The following NKAIN3 variants were observed in gnomAD, a reference collection of about 807,000 sequenced individuals.
The protein encoded by NKAIN3 is sodium/potassium transporting ATPase interacting 3, also known as sodium/potassium-transporting ATPase subunit beta-1-interacting protein 3.
In NKAIN3, 25 loss-of-function variants were observed where a neutral mutation model predicts 30.2. The ratio of observed to expected loss-of-function variants is 0.83; its 90% CI spans 0.60 to 1.16. NKAIN3 has a LOEUF of 1.16. NKAIN3 is among the 50% of genes most tolerant of loss of function. The pLI is 0.00. For synonymous variants in NKAIN3, 91 were observed against 89.6 expected, an observed-to-expected ratio of 1.02 and a Z score of -0.09; for missense variants, 225 against 254.1, an observed-to-expected ratio of 0.89 and a Z score of 0.78.
rs191054327 is a variant in NKAIN3, at chr8:62,361,079, G to A, written c.54+111952G>A. Among the ~76,000 whole-genome samples, 11 of 150,980 alleles carry A rather than the reference G, an allele frequency of 7.3e-5. No individual in the cohort carries two copies. In the South Asian group the frequency reaches 1.0e-3, roughly 14 times the overall value. ...TCTACAGCTGGAGCACCAAACCCCC[G>A]CATCACACTGCTTATCACCAACGCA... is the stretch of plus-strand genomic sequence containing the variant. On this transcript the variant is annotated intron_variant, in intron 1 of 6. Coordinates refer to ENST00000623646, the MANE Select transcript of NKAIN3 (RefSeq NM_001304533.3).
intron 4 of NKAIN3, among the ~76,000 whole-genome samples, chr8:62,908,810 G>A (rs1821854239): frequency 6.6e-6 from 1 of 152,126 alleles, no homozygotes; most frequent in Non-Finnish European, 1.5e-5. Flanking sequence ...CATGAGAACA[G>A]ACTAATATAC....
intron 3 of NKAIN3, among the ~76,000 whole-genome samples, chr8:62,653,927 G>A (rs769642982): frequency 6.6e-6 from 1 of 152,086 alleles, no homozygotes; most frequent in African/African-American, 2.4e-5. Flanking sequence ...GGACTCAAGG[G>A]TTCTAACCAT....
At chr8:62,435,739 T>A (rs984942885) in intron 1 of NKAIN3, among the ~76,000 whole-genome samples, 1 of 152,168 alleles carries the variant, frequency 6.6e-6, no homozygotes. Context: ...AATTAAGATA[T>A]AAAATACAAA....
intron 3 of NKAIN3, among the ~76,000 whole-genome samples, chr8:62,715,493 C>G (rs146195115): frequency 1.2e-3 from 188 of 152,210 alleles, no homozygotes; most frequent in African/African-American, 4.4e-3. Flanking sequence ...AGACTGGAAA[C>G]AGGAAGACTG....
At chr8:62,763,443 G>A (rs1027909108) in intron 4 of NKAIN3, among the ~76,000 whole-genome samples, 3 of 151,998 alleles carry the variant, frequency 2.0e-5, no homozygotes, top group African/African-American at 7.2e-5. Flanking sequence ...GAAAGCTACA[G>A]GGAAGTGGTA....
intron 3 of NKAIN3, among the ~76,000 whole-genome samples, chr8:62,644,413 T>C (rs1405341217): frequency 7.0e-6 from 1 of 143,716 alleles, no homozygotes; most frequent in African/African-American, 2.8e-5. Flanking sequence ...GTTAGATCTT[T>C]TTTTGAAGAA....
chr8:62,802,019 G>C (rs1446405393), intron 4 of NKAIN3, among the ~76,000 whole-genome samples: 1 of 152,158 alleles, frequency 6.6e-6, no homozygotes, highest in Non-Finnish European at 1.5e-5. Flanking sequence ...AAGGGTATCA[G>C]TGATGGAAGA....
At position 62,716,446 on chromosome 8, in the gene NKAIN3, A is replaced by T. The variant is rs142421741; in HGVS notation, c.274-30486A>T. 5.6e-3 allele frequency among the ~76,000 whole-genome samples: 856 copies of T among 152,282 alleles called. 3 individuals carry two copies. Among genetic ancestry groups the T allele is most frequent in the Non-Finnish European group, 6.7e-3 (456 of 68,020 alleles). On this transcript the variant is annotated intron_variant, in intron 3 of 6. Transcript: ENST00000623646. ...CTTCATTAGCCTTTTCTGATAATGG[A>T]TTCATGACAGTTGTACATTAGAAGC...
intron 3 of NKAIN3, among the ~76,000 whole-genome samples, chr8:62,658,033 A>T (rs1812816390): frequency 6.6e-6 from 1 of 152,182 alleles, no homozygotes; most frequent in African/African-American, 2.4e-5. Flanking sequence ...CTCTGTGTTT[A>T]CACTCAGCTT....
intron 6 of NKAIN3, among the ~76,000 whole-genome samples, chr8:62,964,594 G>T (rs189412671): frequency 6.7e-6 from 1 of 149,782 alleles, no homozygotes; most frequent in African/African-American, 2.4e-5. Flanking sequence ...CCACACATGC[G>T]TGCATCTGGG....
Position 62,977,138 on chromosome 8 carries a change from G to A in NKAIN3, c.*11731G>A, listed in dbSNP as rs550494852. 6.6e-6 allele frequency among the ~76,000 whole-genome samples: 1 copy of A among 152,224 alleles called. No individual in the cohort carries two copies. Among genetic ancestry groups the A allele is most frequent in the South Asian group, 2.1e-4 (1 of 4,814 alleles). On this transcript the variant is annotated 3_prime_UTR_variant, in exon 7 of 7. Transcript: ENST00000623646. The stretch of plus-strand genomic sequence containing the variant: ...ACATTTTTTCTTTCAGTTCAACCTT[G>A]GTGAATCTGACGATTATGTGTCTTG...
At chr8:62,498,700 G>C (rs1362092967) in intron 1 of NKAIN3, among the ~76,000 whole-genome samples, 1 of 149,414 alleles carries the variant, frequency 6.7e-6, no homozygotes, top group Non-Finnish European at 1.5e-5. Context: ...AATCAACCAA[G>C]TGAGGATGTA....
chr8:62,461,801 G>A (rs572568626), intron 1 of NKAIN3, among the ~76,000 whole-genome samples: 2 of 152,242 alleles, frequency 1.3e-5, no homozygotes, highest in African/African-American at 4.8e-5. Context: ...GAAGAAAACT[G>A]AGCAGAGCCT....
intron 1 of NKAIN3, among the ~76,000 whole-genome samples, chr8:62,573,230 T>A (rs1269124517): frequency 1.3e-5 from 2 of 152,194 alleles, no homozygotes; most frequent in African/African-American, 4.8e-5. Flanking sequence ...ATAACCATAC[T>A]GAAGACTTTG....
chr8:62,954,441 A>G (rs1214081725), intron 6 of NKAIN3, among the ~76,000 whole-genome samples: 1 of 152,210 alleles, frequency 6.6e-6, no homozygotes, highest in Non-Finnish European at 1.5e-5. Context: ...TAATGTGTGT[A>G]TGATATATGT....
At chr8:62,855,423 G>T in intron 4 of NKAIN3, 1 of 1,037,842 alleles carries the variant, frequency 9.6e-7, no homozygotes, top group Non-Finnish European at 1.5e-6. Flanking sequence ...TTGGCCTTCA[G>T]CTCCTCTTCT....
chr8:62,369,842 C>A (rs1816853560), intron 1 of NKAIN3, among the ~76,000 whole-genome samples: 1 of 151,680 alleles, frequency 6.6e-6, no homozygotes, highest in South Asian at 2.1e-4. Flanking sequence ...TGTTTCTTTG[C>A]CTGCCTACTT....
At chr8:62,797,027 A>G (rs968677965) in intron 4 of NKAIN3, among the ~76,000 whole-genome samples, 38 of 152,350 alleles carry the variant, frequency 2.5e-4, no homozygotes, top group African/African-American at 8.4e-4. Context: ...CCTCTGTGAT[A>G]TAACAGGAAT....
At chr8:62,836,609 C>A (rs774203524) in intron 4 of NKAIN3, among the ~76,000 whole-genome samples, 3 of 152,072 alleles carry the variant, frequency 2.0e-5, no homozygotes, top group Non-Finnish European at 4.4e-5. Flanking sequence ...CTCCTCTTGT[C>A]AAGTAGGTAG....
Sources: allele counts gnomAD v4.1 joint callset (sites outside exome capture counted in the v4.1 genomes callset), GRCh38; gene constraint gnomAD v4.1.1; transcripts MANE v1.5; gene names NCBI Gene and HGNC (gene_info 2026-07-23, HGNC 2026-07-21).